CHN1: variants seen among roughly 807,000 people sequenced by gnomAD.
The protein encoded by CHN1 is chimerin 1, also known as N-chimaerin.
CHN1 carries 37 observed loss-of-function variants against 59.5 expected under a neutral mutation model. The observed-to-expected ratio is 0.62, with a 90% CI of 0.48 to 0.82. The LOEUF is 0.82. Among genes scored for constraint, CHN1 ranks in the 40% least tolerant of loss-of-function variants. The pLI, the probability that CHN1 is intolerant of heterozygous loss-of-function variation, is 0.00. For missense variants in CHN1, 469 were observed against 571.0 expected, an observed-to-expected ratio of 0.82 and a Z score of 1.82; for synonymous variants, 206 against 200.4, an observed-to-expected ratio of 1.03 and a Z score of -0.24.
intron 6 of CHN1, chr2:174,847,487 T>C: frequency 8.5e-7 from 1 of 1,183,204 alleles, no homozygotes; most frequent in Non-Finnish European, 1.1e-6. Flanking sequence ...GATACATTTC[T>C]AAAAGCTTTC....
At chr2:174,956,023 T>C (rs1266176567) in intron 1 of CHN1, among the ~76,000 whole-genome samples, 2 of 152,118 alleles carry the variant, frequency 1.3e-5, no homozygotes, top group South Asian at 2.1e-4. Flanking sequence ...TGTATCCCCA[T>C]ATCTAAAATA....
intron 1 of CHN1, among the ~76,000 whole-genome samples, chr2:174,961,609 T>A (rs1042927330): frequency 3.3e-5 from 5 of 151,016 alleles, no homozygotes; most frequent in Admixed American, 3.3e-4. Context: ...AATAAATAAA[T>A]AAAAATAAAA....
chr2:175,002,917 C>T (rs1038463428), intron 1 of CHN1, among the ~76,000 whole-genome samples: 4 of 152,208 alleles, frequency 2.6e-5, no homozygotes, highest in African/African-American at 9.6e-5. Context: ...AAATCCATTT[C>T]TTCTAACCCT....
Position 174,952,298 on chromosome 2 carries a change from C to A in CHN1, c.20-96G>T, listed in dbSNP as rs140136584. ...TCATTTAATATATATCTGTTGAGAT[C>A]TATTTGTTCTAGGTATTGTGCTAGG... On this transcript the variant is annotated intron_variant, in intron 1 of 12. Transcript: ENST00000409900. 1.2e-3 allele frequency: 911 copies of A among 771,678 alleles called. 6 individuals are homozygous for A. In the African/African-American group the frequency reaches 0.015, roughly 13 times the overall value. The allele number at this position is 771,678 out of a possible 1,614,324, so 47.8% of individuals were successfully genotyped here. A position where few individuals can be genotyped will look rare whatever the true frequency, so the allele number is the denominator to read the frequency against.
chr2:174,962,959 C>T (rs924344029), intron 1 of CHN1, among the ~76,000 whole-genome samples: 13 of 152,148 alleles, frequency 8.5e-5, no homozygotes, highest in South Asian at 2.1e-4. Context: ...ATGATATGTA[C>T]GACTATTTAA....
intron 6 of CHN1, chr2:174,847,722 GTC>G (rs1249056163): frequency 2.1e-5 from 22 of 1,023,828 alleles, no homozygotes; most frequent in Non-Finnish European, 2.8e-5. Context: ...AACTCACTCT[GTC>G]TCTGTTTCTC....
At chr2:174,834,097 T>C (rs922245093) in intron 7 of CHN1, among the ~76,000 whole-genome samples, 1 of 152,180 alleles carries the variant, frequency 6.6e-6, no homozygotes, top group Non-Finnish European at 1.5e-5. Context: ...TGAGCCACCA[T>C]GCCCAGTCTA....
chr2:174,848,674 T>C (rs1426464643), intron 6 of CHN1, among the ~76,000 whole-genome samples: 1 of 152,186 alleles, frequency 6.6e-6, no homozygotes, highest in Non-Finnish European at 1.5e-5. Context: ...TCTTAAGCTA[T>C]GCTAGACATT....
At chr2:174,922,994 C>T (rs1689059283) in intron 3 of CHN1, among the ~76,000 whole-genome samples, 2 of 152,136 alleles carry the variant, frequency 1.3e-5, no homozygotes. Flanking sequence ...ATTGTTACCT[C>T]AAGGAAAGTG....
chr2:174,928,827 C>T (rs563237919), intron 3 of CHN1, among the ~76,000 whole-genome samples: 1 of 152,138 alleles, frequency 6.6e-6, no homozygotes, highest in Admixed American at 6.5e-5. Flanking sequence ...TTTCTCACTG[C>T]ACTTTAAGCC....
At chr2:174,956,880 A>C (rs531597663) in intron 1 of CHN1, among the ~76,000 whole-genome samples, 1 of 152,220 alleles carries the variant, frequency 6.6e-6, no homozygotes, top group Admixed American at 6.5e-5. Flanking sequence ...ATTATATGCT[A>C]TGAAGTTACC....
chr2:174,810,475 C>A (rs1685035425), intron 10 of CHN1, among the ~76,000 whole-genome samples: 1 of 152,184 alleles, frequency 6.6e-6, no homozygotes, highest in Non-Finnish European at 1.5e-5. Flanking sequence ...TAGGAACATT[C>A]AGTTTCTTTG....
Position 174,980,550 on chromosome 2 carries a change from T to A in CHN1, c.19+24344A>T, listed in dbSNP as rs540534611. ...ATGCATTATTGGTTAAAAACAATTC[T>A]TCAATTCCTAATTGAAGAATTAAGC... On this transcript the variant is annotated intron_variant, in intron 1 of 12. Coordinates refer to ENST00000409900, the MANE Select transcript of CHN1 (RefSeq NM_001822.7). Among the ~76,000 whole-genome samples the A allele has an allele frequency of 3.3e-5, 5 of 152,284 alleles. No individual in the cohort carries two copies. The East Asian group carries it at 9.6e-4, about 29-fold the overall frequency.
At chr2:174,987,931 T>G (rs566351967) in intron 1 of CHN1, among the ~76,000 whole-genome samples, 1 of 152,236 alleles carries the variant, frequency 6.6e-6, no homozygotes, top group Non-Finnish European at 1.5e-5. Context: ...GAGGGAGATG[T>G]GAGTTTTAAC....
At chr2:174,915,642 T>G (rs1297677017) in intron 4 of CHN1, among the ~76,000 whole-genome samples, 1 of 152,240 alleles carries the variant, frequency 6.6e-6, no homozygotes, top group Non-Finnish European at 1.5e-5. Context: ...ATTGGCATGA[T>G]TGCCCAATAA....
intron 6 of CHN1, among the ~76,000 whole-genome samples, chr2:174,869,421 C>T (rs574520060): frequency 6.6e-6 from 1 of 152,092 alleles, no homozygotes; most frequent in African/African-American, 2.4e-5. Flanking sequence ...GAAAGGAGTA[C>T]TTCAAATATA....
At chr2:174,830,932 G>A (rs1045625253) in intron 7 of CHN1, among the ~76,000 whole-genome samples, 1 of 152,142 alleles carries the variant, frequency 6.6e-6, no homozygotes, top group African/African-American at 2.4e-5. Flanking sequence ...AATTTTAAGA[G>A]TAAGAAAACT....
Position 174,800,239 on chromosome 2 carries a change from T to G in CHN1, c.1257A>C (p.Gly419=). The change falls in exon 13 of 13, where the codon GGA becomes GGC. Residue 419 remains glycine (G), a synonymous_variant. Transcript: ENST00000409900. The part of the protein sequence containing the change: ...KENLMNAENL[G]IVFGPTLMRS... ...TCATAAGGGTGGGTCCAAAGACGAT[T>G]CCAAGGTTCTCTGCATTCATAAGAT... 1 of 1,474,998 alleles carries G rather than the reference T, an allele frequency of 6.8e-7. No homozygotes were observed. Among genetic ancestry groups the G allele is most frequent in the Non-Finnish European group, 9.0e-7 (1 of 1,113,898 alleles). The allele number at this position is 1,474,998 out of a possible 1,614,324, so 91.4% of individuals were successfully genotyped here.
At chr2:174,812,992 C>T (rs572875831) in intron 8 of CHN1, among the ~76,000 whole-genome samples, 1 of 152,210 alleles carries the variant, frequency 6.6e-6, no homozygotes, top group Non-Finnish European at 1.5e-5. Flanking sequence ...TATATAATTC[C>T]TCTAGTAGCT....
Sources: gnomAD v4.1 joint callset for allele counts (sites outside exome capture counted in the v4.1 genomes callset) on GRCh38, gnomAD v4.1.1 for gene constraint, MANE v1.5 for transcripts, NCBI Gene and HGNC (gene_info 2026-07-23, HGNC 2026-07-21) for gene names.